Variants in GATA4 observed in about 807,000 individuals in gnomAD.
GATA4 encodes the protein GATA binding protein 4, also known as transcription factor GATA-4.
In GATA4, 7 loss-of-function variants were observed where a neutral mutation model predicts 37.9. The ratio of observed to expected loss-of-function variants is 0.18; its 90% confidence interval spans 0.11 to 0.35. GATA4 has a LOEUF of 0.35. Among genes scored for constraint, GATA4 ranks in the 10% least tolerant of loss-of-function variants. The pLI is 1.00. For synonymous variants in GATA4, 372 were observed against 292.6 expected (o/e 1.27, Z -2.77); for missense variants, 647 against 653.0 (o/e 0.99, Z 0.10).
rs191305312 is a variant in GATA4 at position 11,751,206 on chromosome 8, C to T, written c.912+970C>T. Among the ~76,000 whole-genome samples, 101 of 152,154 alleles carry T rather than the reference C, an allele frequency of 6.6e-4. 2 individuals are homozygous for T. In the Middle Eastern group the frequency reaches 0.027, roughly 41 times the overall value. On this transcript the variant is annotated intron_variant, in intron 4 of 6. Transcript: ENST00000532059. ...GTATCAGAAAAAGGGTTAATATTTC[C>T]AGAATTACAAGGAGCTTCTACAAAG... is the stretch of plus-strand genomic sequence containing the variant.
At position 11,708,620 on chromosome 8, in the gene GATA4, C is replaced by T; in HGVS notation, c.308C>T (p.Pro103Leu). 1.5e-6 allele frequency: 2 copies of T among 1,341,954 alleles called. No individual in the cohort carries two copies. The highest frequency in any genetic ancestry group is 1.9e-6 in the Non-Finnish European group (2 of 1,048,186). The allele number at this position is 1,341,954 out of a possible 1,614,324, so 83.1% of individuals were successfully genotyped here. The change falls in exon 2 of 7, where the codon CCG becomes CTG. Residue 103 changes from proline (P) to leucine (L), a missense_variant. By Grantham distance (98) the Pro-to-Leu change is moderately conservative. Transcript: ENST00000532059. The surrounding 1 kb of genome is among the most constrained non-coding windows in gnomAD (Gnocchi z 6.7). ...GADGAAYTPP[P>L]VSPRFSFPGT... is the part of the protein sequence containing the mutation. The stretch of plus-strand genomic sequence containing the variant: ...GACGGAGCCGCTTACACCCCGCCGC[C>T]GGTGTCGCCGCGCTTCTCCTTCCCG...
intron 2 of GATA4, among the ~76,000 whole-genome samples, chr8:11,748,410 A>G (rs1802132827): frequency 6.6e-6 from 1 of 152,178 alleles, no homozygotes; most frequent in African/African-American, 2.4e-5. Context: ...AATAAAATAA[A>G]TACAGTCTTA....
In GATA4 at chr8:11,741,353, A is replaced by C. The variant is rs573490151; in HGVS notation, c.617-7563A>C. Among the ~76,000 whole-genome samples, 7 of 152,096 alleles carry C rather than the reference A, an allele frequency of 4.6e-5. No individual in the cohort carries two copies. In the South Asian group the frequency reaches 1.2e-3, roughly 27 times the overall value. ...AATTAGCTGAGCGTGGTGGTGTGCA[A>C]CTGTAGTCCCAGCTACTCAGGAGGT... On this transcript the variant is annotated intron_variant, in intron 2 of 6. Coordinates refer to ENST00000532059, the MANE Select transcript of GATA4 (RefSeq NM_001308093.3).
rs965676797 is a variant in GATA4 at position 11,759,259 on chromosome 8, C to G, written c.*784C>G. ...TGGGTAGTTTAGCCAAACGGCACCC[C>G]CTCGAGTTCACTGCAGACCCTTCGT... is the stretch of plus-strand genomic sequence containing the variant. On this transcript the variant is annotated 3_prime_UTR_variant, in exon 7 of 7. Coordinates refer to ENST00000532059, the MANE Select transcript of GATA4 (RefSeq NM_001308093.3). 2 of 153,798 alleles carry G rather than the reference C, an allele frequency of 1.3e-5. No homozygotes were observed. Among genetic ancestry groups the G allele is most frequent in the African/African-American group, 2.4e-5 (1 of 41,462 alleles). 9.5% of individuals were successfully genotyped at this position (153,798 alleles called of 1,614,324 possible). A position where few individuals can be genotyped will look rare whatever the true frequency, so the allele number is the denominator to read the frequency against.
At chr8:11,696,388 T>G (rs1393020046) in intron 1 of GATA4, among the ~76,000 whole-genome samples, 2 of 151,256 alleles carry the variant, frequency 1.3e-5, no homozygotes, top group Non-Finnish European at 2.9e-5. Flanking sequence ...TTTTGAATAT[T>G]CTTTTACTTA....
intron 6 of GATA4, 143 bp downstream of exon 6, chr8:11,757,226 A>G: frequency 2.3e-6 from 3 of 1,299,200 alleles, no homozygotes; most frequent in Non-Finnish European, 3.1e-6. Flanking sequence ...AGGAAGACCC[A>G]GCCATTGAGC....
intron 2 of GATA4, among the ~76,000 whole-genome samples, chr8:11,732,454 C>T (rs918807756): frequency 6.6e-6 from 1 of 152,128 alleles, no homozygotes; most frequent in African/African-American, 2.4e-5. Context: ...GTTTGATTTG[C>T]TTGGCTAAAG....
intron 1 of GATA4, among the ~76,000 whole-genome samples, chr8:11,694,875 C>T (rs900226204): frequency 6.6e-6 from 1 of 152,180 alleles, no homozygotes; most frequent in African/African-American, 2.4e-5. Context: ...CACTCACACA[C>T]ACACCTCACT....
chr8:11,752,198 G>A (rs576674857), intron 4 of GATA4, among the ~76,000 whole-genome samples: 40 of 152,266 alleles, frequency 2.6e-4, no homozygotes, highest in African/African-American at 9.4e-4. Context: ...TATGAGTGTC[G>A]AAGGTGCATT....
rs999505432 is a variant in GATA4 at position 11,749,994 on chromosome 8, C to T, written c.787-117C>T. The T allele has an allele frequency of 2.6e-5, 37 of 1,404,704 alleles. No individual in the cohort carries two copies. Among genetic ancestry groups the T allele is most frequent in the Admixed American group, 5.4e-5 (3 of 55,880 alleles). 87.0% of individuals were successfully genotyped at this position (1,404,704 alleles called of 1,614,324 possible). A position where few individuals can be genotyped will look rare whatever the true frequency, so the allele number is the denominator to read the frequency against. On this transcript the variant is annotated intron_variant, in intron 3 of 6. Coordinates refer to ENST00000532059, the MANE Select transcript of GATA4 (RefSeq NM_001308093.3). The surrounding 1 kb of genome is among the most constrained non-coding windows in gnomAD (Gnocchi z 4.6). ...ACAGGTCAGAGATCTCATGCAGGGT[C>T]GTTAGGGCCCAGCCCTGCCTCCCGT...
chr8:11,693,554 CACACACACAG>C (rs1425801159), intron 1 of GATA4, among the ~76,000 whole-genome samples: 2,033 of 113,002 alleles, frequency 0.018, 12 homozygotes, highest in Non-Finnish European at 0.022. Flanking sequence ...CACACACACA[CACACACACAG>C]AGAGAGAGAG....
intron 2 of GATA4, among the ~76,000 whole-genome samples, chr8:11,741,484 AC>A (rs768739075): frequency 1.1e-4 from 16 of 151,440 alleles, no homozygotes; most frequent in Middle Eastern, 3.4e-3. Context: ...ATTGAAAAAA[AC>A]AAACAAACAA....
chr8:11,713,182 C>T (rs148272663), intron 2 of GATA4, among the ~76,000 whole-genome samples: 129 of 152,266 alleles, frequency 8.5e-4, no homozygotes, highest in African/African-American at 3.0e-3. Context: ...CTGTAAAGCC[C>T]TGAACTTAGG....
chr8:11,698,034 G>A, intron 1 of GATA4: 1 of 984,544 alleles, frequency 1.0e-6, no homozygotes, highest in Non-Finnish European at 1.2e-6. Flanking sequence ...ACTCTGGGTT[G>A]ACCTCGTCCC....
At chr8:11,731,781 G>A (rs1801223822) in intron 2 of GATA4, among the ~76,000 whole-genome samples, 2 of 152,210 alleles carry the variant, frequency 1.3e-5, no homozygotes, top group Admixed American at 1.3e-4. Context: ...GAGAGGCAGT[G>A]TACAAGCTTA....
intron 2 of GATA4, 103 bp from the exon 3 acceptor site, chr8:11,748,813 A>T: frequency 7.5e-7 from 1 of 1,339,040 alleles, no homozygotes; most frequent in Non-Finnish European, 1.1e-6. Context: ...TTTCCAAGGA[A>T]AGGGCATTGT....
chr8:11,721,060 C>T (rs1012304113), intron 2 of GATA4, among the ~76,000 whole-genome samples: 1 of 151,980 alleles, frequency 6.6e-6, no homozygotes, highest in Non-Finnish European at 1.5e-5. Flanking sequence ...ACAGAAGTGT[C>T]TCCGAATCCC....
At chr8:11,716,377 A>G (rs893900273) in intron 2 of GATA4, among the ~76,000 whole-genome samples, 2 of 152,210 alleles carry the variant, frequency 1.3e-5, no homozygotes, top group East Asian at 3.9e-4. Flanking sequence ...GCTTTAAGGC[A>G]TAAGTTGTTT....
chr8:11,736,394 T>C (rs1585655914), intron 2 of GATA4, among the ~76,000 whole-genome samples: 2 of 152,156 alleles, frequency 1.3e-5, no homozygotes, highest in Non-Finnish European at 2.9e-5. Context: ...AGAGGTGAAA[T>C]GACTGTTGGC....
Sources: allele counts gnomAD v4.1 joint callset (sites outside exome capture counted in the v4.1 genomes callset), GRCh38; gene constraint gnomAD v4.1.1; non-coding constraint Gnocchi (gnomAD v3.1); transcripts MANE v1.5; gene names NCBI Gene and HGNC (gene_info 2026-07-23, HGNC 2026-07-21).